Variants in RAB28 observed in about 807,000 individuals in gnomAD.
The protein encoded by RAB28 is ras-related protein Rab-28.
Under a neutral mutation model 31.7 loss-of-function variants are expected in RAB28, and 24 were observed. That is an observed-to-expected ratio of 0.76 (90% CI 0.55 to 1.06). The LOEUF (loss-of-function observed/expected upper bound fraction) is 1.06. Ranked by LOEUF, RAB28 falls within the 50% of genes least tolerant of loss-of-function variation. The pLI, the probability that RAB28 is intolerant of heterozygous loss-of-function variation, is 0.00. For missense variants in RAB28, 254 were observed against 258.5 expected, an observed-to-expected ratio of 0.98 and a Z score of 0.12; for synonymous variants, 100 against 90.4, an observed-to-expected ratio of 1.11 and a Z score of -0.60.
At chr4:13,441,806 T>C (rs1714428267) in intron 4 of RAB28, among the ~76,000 whole-genome samples, 1 of 152,228 alleles carries the variant, frequency 6.6e-6, no homozygotes, top group South Asian at 2.1e-4. Flanking sequence ...AACCTTTAGC[T>C]GGAGCAGTGC....
intron 2 of RAB28, among the ~76,000 whole-genome samples, chr4:13,478,627 T>A (rs1486332626): frequency 6.6e-6 from 1 of 151,684 alleles, no homozygotes; most frequent in Non-Finnish European, 1.5e-5. Flanking sequence ...CCAAATGTGC[T>A]TCCTCACAGA....
At chr4:13,371,000 A>G in intron 6 of RAB28, 6 of 984,258 alleles carry the variant, frequency 6.1e-6, no homozygotes, top group Non-Finnish European at 7.2e-6. Context: ...GTGATTGCAA[A>G]TAACTTATTT....
intron 4 of RAB28, among the ~76,000 whole-genome samples, chr4:13,408,859 A>T (rs1044143471): frequency 6.6e-6 from 1 of 152,218 alleles, no homozygotes; most frequent in Admixed American, 6.5e-5. Context: ...TTTAGAACAC[A>T]TTATACAAAT....
At chr4:13,381,652 T>C (rs1729135405) in intron 4 of RAB28, 58 bp from the exon 5 acceptor site, 2 of 1,236,074 alleles carry the variant, frequency 1.6e-6, no homozygotes, top group Admixed American at 2.3e-5. Flanking sequence ...AAAACGTTTT[T>C]AACATGTTTA....
intron 4 of RAB28, among the ~76,000 whole-genome samples, chr4:13,435,915 T>C (rs78802744): frequency 0.016 from 2,426 of 151,608 alleles, 74 homozygotes; most frequent in African/African-American, 0.055. Context: ...AAGAACAACA[T>C]AAAAAGAAAA....
At chr4:13,370,681 T>C in intron 6 of RAB28, 3 of 984,916 alleles carry the variant, frequency 3.0e-6, no homozygotes, top group Non-Finnish European at 3.6e-6. Flanking sequence ...GACTTCCTTA[T>C]GATGCTCGCT....
intron 4 of RAB28, among the ~76,000 whole-genome samples, chr4:13,411,294 A>G (rs1712428800): frequency 6.6e-6 from 1 of 152,202 alleles, no homozygotes; most frequent in South Asian, 2.1e-4. Flanking sequence ...AACATTAATT[A>G]ATACAACTTT....
At position 13,397,549 on chromosome 4, in the gene RAB28, G is replaced by T. The variant is rs558982936; in HGVS notation, c.392-15955C>A. On this transcript the variant is annotated intron_variant, in intron 4 of 6. Coordinates refer to ENST00000330852, the MANE Select transcript of RAB28 (RefSeq NM_001017979.3). ...TATATTCCTACTAATTATAATAAAA[G>T]TCCTACTAAAATTATAACAATATGA... Among the ~76,000 whole-genome samples the T allele has an allele frequency of 2.0e-5, 3 of 151,952 alleles. No homozygotes were observed. In the South Asian group the frequency reaches 6.2e-4, roughly 32 times the overall value.
chr4:13,456,541 C>T lies in RAB28; in HGVS notation c.391+4158G>A, dbSNP rs373914369. On this transcript the variant is annotated intron_variant, in intron 4 of 6. Coordinates refer to ENST00000330852, the MANE Select transcript of RAB28 (RefSeq NM_001017979.3). ...GATGCAGGAAACTGAGGCATAAAAA[C>T]GTAAAGTAACTTGTATGATGTCACA... Among the ~76,000 whole-genome samples, 304 of 152,210 alleles carry T rather than the reference C, an allele frequency of 2.0e-3. 2 individuals are homozygous for T. The highest frequency in any genetic ancestry group is 0.017 in the Middle Eastern group (5 of 294).
chr4:13,457,396 C>A (rs564099351), intron 4 of RAB28, among the ~76,000 whole-genome samples: 14 of 152,072 alleles, frequency 9.2e-5, no homozygotes, highest in Middle Eastern at 3.2e-3. Flanking sequence ...GGCTTAACTG[C>A]AGAAGGATCT....
chr4:13,390,653 T>C (rs1184471909), intron 4 of RAB28, among the ~76,000 whole-genome samples: 2 of 149,504 alleles, frequency 1.3e-5, no homozygotes, highest in Non-Finnish European at 3.0e-5. Context: ...GACTTCAAAC[T>C]ATACTACAAG....
At chr4:13,397,259 T>C (rs1035323681) in intron 4 of RAB28, among the ~76,000 whole-genome samples, 2 of 152,052 alleles carry the variant, frequency 1.3e-5, no homozygotes, top group Non-Finnish European at 2.9e-5. Flanking sequence ...AAATATTAAA[T>C]GGCAAAACAA....
At chr4:13,409,978 C>T (rs1040352776) in intron 4 of RAB28, among the ~76,000 whole-genome samples, 1 of 151,988 alleles carries the variant, frequency 6.6e-6, no homozygotes, top group Non-Finnish European at 1.5e-5. Context: ...TAGTTTAGCA[C>T]CATCCCCCTA....
At chr4:13,386,202 G>A (rs1400961884) in intron 4 of RAB28, among the ~76,000 whole-genome samples, 3 of 151,822 alleles carry the variant, frequency 2.0e-5, no homozygotes, top group Admixed American at 6.6e-5. Flanking sequence ...GGAACAGGCA[G>A]ATATTTCAGG....
In RAB28 at chr4:13,385,547, T is replaced by A. The variant is rs564936611; in HGVS notation, c.392-3953A>T. On this transcript the variant is annotated intron_variant, in intron 4 of 6. Transcript: ENST00000330852. ...CAGAAGGGTTAATATTCAATGTTCT[T>A]AAAGAAAAGAAATTCCAGCCCAGAA... Among the ~76,000 whole-genome samples the A allele has an allele frequency of 2.6e-5, 4 of 152,276 alleles. No homozygotes were observed. The South Asian group carries it at 8.3e-4, about 32-fold the overall frequency.
In RAB28 at chr4:13,413,294, A is replaced by G. The variant is rs2108911607; in HGVS notation, c.392-31700T>C. Among the ~76,000 whole-genome samples, 3 of 152,360 alleles carry G rather than the reference A, an allele frequency of 2.0e-5. No homozygotes were observed. The South Asian group carries it at 6.2e-4, about 32-fold the overall frequency. ...TTAAGTCATTAATTATAATATTAAA[A>G]AATCAAACTTTCCTTAGACTTTTTG... On this transcript the variant is annotated intron_variant, in intron 4 of 6. Coordinates refer to ENST00000330852, the MANE Select transcript of RAB28 (RefSeq NM_001017979.3).
At chr4:13,370,548 T>A (rs1159418294) in intron 6 of RAB28, 3 of 915,404 alleles carry the variant, frequency 3.3e-6, no homozygotes, top group Non-Finnish European at 3.9e-6. Context: ...TATAATATGC[T>A]GTGGGAACAC....
At chr4:13,379,218 A>C (rs1332482066) in intron 5 of RAB28, among the ~76,000 whole-genome samples, 2 of 151,360 alleles carry the variant, frequency 1.3e-5, no homozygotes, top group African/African-American at 4.8e-5. Context: ...AAAAAAAAAA[A>C]AAAAAAAAAA....
intron 3 of RAB28, among the ~76,000 whole-genome samples, chr4:13,472,012 A>G (rs1022737259): frequency 1.3e-5 from 2 of 152,122 alleles, no homozygotes; most frequent in African/African-American, 4.8e-5. Context: ...AATTTCTACA[A>G]ATGTTCTCAT....
Sources: allele counts gnomAD v4.1 joint callset (sites outside exome capture counted in the v4.1 genomes callset), GRCh38; gene constraint gnomAD v4.1.1; transcripts MANE v1.5; gene names NCBI Gene and HGNC (gene_info 2026-07-23, HGNC 2026-07-21).